MAGI2: variants seen among roughly 807,000 people sequenced by gnomAD.
MAGI2 encodes the protein membrane-associated guanylate kinase, WW and PDZ domain-containing protein 2.
A neutral mutation model predicts 133.3 loss-of-function variants in MAGI2; 35 were observed. The observed-to-expected ratio is 0.26, with a 90% CI of 0.20 to 0.35. MAGI2 has a LOEUF of 0.35. Among genes scored for constraint, MAGI2 ranks in the 10% least tolerant of loss-of-function variants. The probability of loss-of-function intolerance (pLI) is 1.00; values close to 1 mark genes in which losing one functional copy is unlikely to be tolerated. For missense variants in MAGI2, 1,636 were observed against 1,863.4 expected (o/e 0.88, Z 2.25); for synonymous variants, 729 against 710.6 (o/e 1.03, Z -0.41).
At chr7:78,499,826 A>G (rs1349637079) in intron 5 of MAGI2, among the ~76,000 whole-genome samples, 1 of 152,054 alleles carries the variant, frequency 6.6e-6, no homozygotes, top group African/African-American at 2.4e-5. Flanking sequence ...CTGAACATCT[A>G]TTTGTGATCT....
At chr7:78,439,712 T>A (rs1030978231) in intron 6 of MAGI2, among the ~76,000 whole-genome samples, 5 of 152,218 alleles carry the variant, frequency 3.3e-5, no homozygotes, top group African/African-American at 4.8e-5. Flanking sequence ...TTTAGAACTC[T>A]ATTTCTCACT....
intron 3 of MAGI2, among the ~76,000 whole-genome samples, chr7:78,536,323 G>A (rs1442389708): frequency 1.3e-5 from 2 of 150,736 alleles, no homozygotes; most frequent in Non-Finnish European, 3.0e-5. Context: ...CGTTTTAGCC[G>A]GGATGGTCTC....
At chr7:78,236,025 ATGT>A (rs1336854749) in intron 10 of MAGI2, among the ~76,000 whole-genome samples, 26 of 135,566 alleles carry the variant, frequency 1.9e-4, no homozygotes, top group East Asian at 4.3e-4. Context: ...GTAAGACTGT[ATGT>A]TTTTTTTTTT....
intron 9 of MAGI2, among the ~76,000 whole-genome samples, chr7:78,333,317 G>C (rs1034621045): frequency 1.3e-5 from 2 of 152,128 alleles, no homozygotes; most frequent in Non-Finnish European, 2.9e-5. Flanking sequence ...AAAGTGAAAG[G>C]TACTTTCTTA....
intron 1 of MAGI2, among the ~76,000 whole-genome samples, chr7:79,331,958 G>A (rs6943907): frequency 0.036 from 5,314 of 146,654 alleles, 287 homozygotes; most frequent in African/African-American, 0.13. Flanking sequence ...AAAAAAAAAA[G>A]GAAAAAAAAA....
chr7:78,160,824 T>G (rs1824901364), intron 15 of MAGI2, among the ~76,000 whole-genome samples: 4 of 152,214 alleles, frequency 2.6e-5, no homozygotes. Context: ...ACAGCACAGG[T>G]GCCATCCATG....
chr7:78,020,041 C>G, intron 21 of MAGI2, 65 bp from the exon 22 acceptor site: 2 of 1,401,032 alleles, frequency 1.4e-6, no homozygotes, highest in Non-Finnish European at 1.9e-6. Flanking sequence ...CCTCTCTACG[C>G]CGGGGACAGG....
chr7:78,186,082 G>C (rs1340154934), intron 12 of MAGI2, among the ~76,000 whole-genome samples: 1 of 152,054 alleles, frequency 6.6e-6, no homozygotes, highest in Non-Finnish European at 1.5e-5. Context: ...ATGAAAAGTG[G>C]AAAATCCAAT....
At chr7:78,117,570 G>A (rs1819999200) in intron 20 of MAGI2, among the ~76,000 whole-genome samples, 1 of 151,862 alleles carries the variant, frequency 6.6e-6, no homozygotes, top group South Asian at 2.1e-4. Context: ...TAAACATCAT[G>A]TTTAATGAAA....
chr7:79,164,511 A>G (rs1350887558), intron 1 of MAGI2, among the ~76,000 whole-genome samples: 2 of 151,962 alleles, frequency 1.3e-5, no homozygotes, highest in Non-Finnish European at 1.5e-5. Flanking sequence ...AGCACCTTTA[A>G]AAAGGGCTGG....
At chr7:78,897,260 A>G (rs1366401744) in intron 2 of MAGI2, among the ~76,000 whole-genome samples, 2 of 152,208 alleles carry the variant, frequency 1.3e-5, no homozygotes, top group Non-Finnish European at 2.9e-5. Context: ...TTGTTTCCCA[A>G]GTTGAAGGAT....
chr7:78,688,165 C>T (rs1261340413), intron 2 of MAGI2, among the ~76,000 whole-genome samples: 2 of 151,916 alleles, frequency 1.3e-5, no homozygotes, highest in Non-Finnish European at 1.5e-5. Context: ...TTGTGTCTAG[C>T]CTCATTTTAC....
At chr7:78,721,157 T>A (rs1401710082) in intron 2 of MAGI2, among the ~76,000 whole-genome samples, 1 of 152,082 alleles carries the variant, frequency 6.6e-6, no homozygotes, top group African/African-American at 2.4e-5. Flanking sequence ...CTGTTTACAT[T>A]TTTACTCACC....
chr7:78,939,146 A>G (rs1800772868), intron 2 of MAGI2, among the ~76,000 whole-genome samples: 1 of 152,104 alleles, frequency 6.6e-6, no homozygotes, highest in African/African-American at 2.4e-5. Context: ...GGCACCTGCC[A>G]CCACGCCTGG....
At chr7:78,588,326 G>T (rs1803632161) in intron 3 of MAGI2, among the ~76,000 whole-genome samples, 1 of 152,178 alleles carries the variant, frequency 6.6e-6, no homozygotes, top group South Asian at 2.1e-4. Flanking sequence ...GTGTGTATGT[G>T]TATGGGTTCT....
intron 2 of MAGI2, among the ~76,000 whole-genome samples, chr7:78,649,242 A>T (rs1438876482): frequency 1.3e-5 from 2 of 149,550 alleles, no homozygotes; most frequent in African/African-American, 4.9e-5. Context: ...AAAAGAAAAA[A>T]AAAGAAAAAA....
intron 1 of MAGI2, among the ~76,000 whole-genome samples, chr7:79,232,781 G>A (rs1219445757): frequency 1.1e-5 from 1 of 94,718 alleles, no homozygotes; most frequent in Non-Finnish European, 2.1e-5. Flanking sequence ...GGTTTTTTGT[G>A]TCTCTATTTC....
intron 3 of MAGI2, among the ~76,000 whole-genome samples, chr7:78,556,476 A>G (rs1199906578): frequency 6.6e-6 from 1 of 152,200 alleles, no homozygotes; most frequent in Non-Finnish European, 1.5e-5. Context: ...TGAAGTTGTG[A>G]TGACAACTCT....
intron 2 of MAGI2, among the ~76,000 whole-genome samples, chr7:78,947,928 A>G (rs1439974108): frequency 6.6e-6 from 1 of 152,142 alleles, no homozygotes; most frequent in African/African-American, 2.4e-5. Context: ...ATGATATTCA[A>G]ATAAACTTTC....
Sources: allele counts gnomAD v4.1 joint callset (sites outside exome capture counted in the v4.1 genomes callset), GRCh38; gene constraint gnomAD v4.1.1; transcripts MANE v1.5; gene names NCBI Gene and HGNC (gene_info 2026-07-23, HGNC 2026-07-21).